The following PABIR2 variants were observed in gnomAD, a reference collection of about 807,000 sequenced individuals.
PABIR2 encodes the protein family with sequence similarity 122B.
Under a neutral mutation model 22.8 loss-of-function variants are expected in PABIR2, and 7 were observed. The ratio of observed to expected loss-of-function variants is 0.31; its 90% CI spans 0.17 to 0.58. The LOEUF is 0.58. PABIR2 is among the 20% of genes least tolerant of loss of function. The probability of loss-of-function intolerance (pLI) is 0.89; values close to 1 mark genes in which losing one functional copy is unlikely to be tolerated. For synonymous variants in PABIR2, 67 were observed against 73.8 expected (o/e 0.91, Z 0.47); for missense variants, 155 against 205.1 (o/e 0.76, Z 1.49).
intron 9 of PABIR2, among the ~76,000 whole-genome samples, chrX:134,773,550 T>C (rs1226032225): frequency 1.1e-5 from 1 of 95,072 alleles, no homozygotes. Context: ...TTTGCTATAA[T>C]CTGAAGGATG....
In PABIR2 at chrX:134,770,502, T is replaced by C. The variant is rs2078822528; in HGVS notation, c.*1637A>G. 8.9e-6 allele frequency: 1 copy of C among 112,988 alleles called. No individual in the cohort carries two copies. The highest frequency in any genetic ancestry group is 1.9e-5 in the Non-Finnish European group (1 of 53,332). 9.3% of individuals were successfully genotyped at this position (112,988 alleles called of 1,213,427 possible). A position where few individuals can be genotyped will look rare whatever the true frequency, so the allele number is the denominator to read the frequency against. Reference sequence around the variant, plus strand: ...AGAATGGGTTTCCCTTCAAACCATATGCTATTACTAGTCTCTGAGTGCCTT... The same window carrying C: ...AGAATGGGTTTCCCTTCAAACCATACGCTATTACTAGTCTCTGAGTGCCTT... On this transcript the variant is annotated 3_prime_UTR_variant, in exon 10 of 10. Transcript: ENST00000343004.
At chrX:134,772,655 T>C (rs1229078196) in intron 9 of PABIR2, among the ~76,000 whole-genome samples, 1 of 111,320 alleles carries the variant, frequency 9.0e-6, no homozygotes, top group East Asian at 2.8e-4. Context: ...TGGTTACTTA[T>C]TGAGGTAACC....
At chrX:134,793,660 G>A (rs1176942659) in intron 2 of PABIR2, 155 bp downstream of exon 2, 1 of 697,785 alleles carries the variant, frequency 1.4e-6, no homozygotes, top group Non-Finnish European at 2.2e-6. Flanking sequence ...GGTACCAAAA[G>A]CTGAATGGCC....
chrX:134,780,897 GTTA>G (rs1313405216), intron 9 of PABIR2, among the ~76,000 whole-genome samples: 1 of 112,669 alleles, frequency 8.9e-6, no homozygotes, highest in East Asian at 2.8e-4. Context: ...ATCAGGAAAT[GTTA>G]TTATAAAAAT....
chrX:134,781,168 G>A (rs905255244), intron 9 of PABIR2, among the ~76,000 whole-genome samples: 3 of 112,550 alleles, frequency 2.7e-5, no homozygotes, highest in African/African-American at 9.7e-5. Context: ...ACAGGAGCTG[G>A]GAACGAAAGC....
chrX:134,793,650 G>T, intron 2 of PABIR2, 165 bp downstream of exon 2: 1 of 632,248 alleles, frequency 1.6e-6, no homozygotes, highest in Non-Finnish European at 2.5e-6. Context: ...GTATCCTTTT[G>T]GTACCAAAAG....
At chrX:134,781,746 C>T in intron 9 of PABIR2, 75 bp downstream of exon 9, 1 of 658,631 alleles carries the variant, frequency 1.5e-6, no homozygotes, top group Non-Finnish European at 2.2e-6. Context: ...TAAATTATCC[C>T]AATATACTTT....
chrX:134,781,199 T>C (rs866487940), intron 9 of PABIR2, among the ~76,000 whole-genome samples: 2 of 112,896 alleles, frequency 1.8e-5, no homozygotes, highest in Middle Eastern at 9.2e-3. Flanking sequence ...GAAAGACATA[T>C]ATATTTCCAA....
chrX:134,785,515 C>T (rs1282042827), intron 8 of PABIR2, among the ~76,000 whole-genome samples: 1 of 109,165 alleles, frequency 9.2e-6, no homozygotes, highest in Non-Finnish European at 1.9e-5. Context: ...GATCTCAGCT[C>T]ACCACAACCT....
Position 134,778,086 on chromosome X carries a change from T to C in PABIR2, c.659+3735A>G, listed in dbSNP as rs771777240. ...TTTTGTACTTTTAGTAGAGACGGGGTTTCACCATGTTGTCCAGGCTGGTCT... is the reference window on the plus strand; with the variant it reads ...TTTTGTACTTTTAGTAGAGACGGGGCTTCACCATGTTGTCCAGGCTGGTCT... On this transcript the variant is annotated intron_variant, in intron 9 of 9. Transcript: ENST00000343004. 7.0e-4 allele frequency among the ~76,000 whole-genome samples: 68 copies of C among 97,220 alleles called. 1 individual carries two copies. In the East Asian group the frequency reaches 0.02, roughly 28 times the overall value. The allele number at this position is 97,220 out of a possible 115,157, so 84.4% of individuals were successfully genotyped here.
chrX:134,796,055 T>C, intron 1 of PABIR2, 53 bp downstream of exon 1: 1 of 1,095,461 alleles, frequency 9.1e-7, no homozygotes, highest in Non-Finnish European at 1.3e-6. Flanking sequence ...ATTGCTTGCA[T>C]GGGGGCAAGG....
chrX:134,771,133 A>G lies in PABIR2; in HGVS notation c.*1006T>C. ...GCAACAGAAACAGTATGTGGCAATC[A>G]TTCACATAAGGCCCCTCTTCCACCA... On this transcript the variant is annotated 3_prime_UTR_variant, in exon 10 of 10. Coordinates refer to ENST00000343004, the MANE Select transcript of PABIR2 (RefSeq NM_001387468.1). 2.6e-6 allele frequency: 1 copy of G among 377,677 alleles called. No homozygotes were observed. Among genetic ancestry groups the G allele is most frequent in the Non-Finnish European group, 4.3e-6 (1 of 234,849 alleles). The allele number at this position is 377,677 out of a possible 1,213,427, so 31.1% of individuals were successfully genotyped here.
At position 134,789,203 on chromosome X, in the gene PABIR2, T is replaced by C. The variant is rs758215206; in HGVS notation, c.278+20A>G. The C allele has an allele frequency of 9.1e-6, 11 of 1,212,234 alleles. No homozygotes were observed. In the Admixed American group the frequency reaches 2.4e-4, roughly 26 times the overall value. On this transcript the variant is annotated intron_variant, in intron 4 of 9. Coordinates refer to ENST00000343004, the MANE Select transcript of PABIR2 (RefSeq NM_001387468.1). Reference sequence around the variant, plus strand: ...ACAAGACACTTATTAGGCTAGGCCCTGCTCTTGCAAAGCACTAACCTTTCA... The same window carrying C: ...ACAAGACACTTATTAGGCTAGGCCCCGCTCTTGCAAAGCACTAACCTTTCA...
chrX:134,771,677 T>C lies in PABIR2; in HGVS notation c.*462A>G, dbSNP rs2078840611. 1.3e-6 allele frequency: 1 copy of C among 785,506 alleles called. No homozygotes were observed. Among genetic ancestry groups the C allele is most frequent in the East Asian group, 9.9e-5 (1 of 10,132 alleles). 64.7% of individuals were successfully genotyped at this position (785,506 alleles called of 1,213,427 possible). On this transcript the variant is annotated 3_prime_UTR_variant, in exon 10 of 10. Transcript: ENST00000343004. ...ATTTAATATAATTAAAAGCAATTTA[T>C]ATATCATCATGAAATAAAGAGAGAT...
At chrX:134,791,704 T>C (rs868712528) in intron 2 of PABIR2, 3 of 328,235 alleles carry the variant, frequency 9.1e-6, no homozygotes, top group Middle Eastern at 4.4e-4. Flanking sequence ...TTACACAAGA[T>C]AGGTGTCTGT....
chrX:134,775,518 CAAAAAA>C (rs773542327), intron 9 of PABIR2, among the ~76,000 whole-genome samples: 1 of 25,242 alleles, frequency 4.0e-5, no homozygotes, highest in African/African-American at 1.5e-4. Flanking sequence ...GACTCCGTCT[CAAAAAA>C]AAAAAAAAAA....
chrX:134,788,608 G>A, intron 6 of PABIR2, 122 bp downstream of exon 6: 1 of 427,029 alleles, frequency 2.3e-6, no homozygotes, highest in Non-Finnish European at 3.8e-6. Context: ...AATTACTGCT[G>A]TAGATTTTCA....
rs748223906 is a variant in PABIR2, at chrX:134,781,847, G to A, written c.633C>T (p.Ala211=). Residue 211 remains alanine (A), a synonymous_variant, in exon 9 of 10, where the codon GCC becomes GCT. Transcript: ENST00000343004. ...ATGAACTGAGATCAGACAGTTGCGC[G>A]GCATCTGGAGATAACATATTGGTAG... ...QGTTNMLSPD[A]AQLSDLSSCS... 9.2e-6 allele frequency: 11 copies of A among 1,195,164 alleles called. No individual in the cohort carries two copies. Among genetic ancestry groups the A allele is most frequent in the South Asian group, 7.4e-5 (4 of 54,362 alleles).
intron 8 of PABIR2, among the ~76,000 whole-genome samples, chrX:134,782,802 G>A (rs981051537): frequency 6.3e-5 from 7 of 111,964 alleles, no homozygotes; most frequent in African/African-American, 9.7e-5. Context: ...AAGAACAAAC[G>A]CAACATTCAT....
Sources: gnomAD v4.1 joint callset for allele counts (sites outside exome capture counted in the v4.1 genomes callset) on GRCh38, gnomAD v4.1.1 for gene constraint, MANE v1.5 for transcripts, NCBI Gene and HGNC (gene_info 2026-07-23, HGNC 2026-07-21) for gene names.